NOPCHAP1: variants seen among roughly 807,000 people sequenced by gnomAD.
The protein encoded by NOPCHAP1 is DNA damage-sensitive RNA 1.
In NOPCHAP1, 13 loss-of-function variants were observed where a neutral mutation model predicts 14.0. That is an observed-to-expected ratio of 0.93 (90% confidence interval 0.60 to 1.47). NOPCHAP1 has a LOEUF of 1.47. Ranked by LOEUF, NOPCHAP1 falls within the 40% of genes most tolerant of loss-of-function variation. NOPCHAP1 has a pLI of 0.00. For missense variants in NOPCHAP1, 230 were observed against 226.9 expected (o/e 1.01, Z -0.09); for synonymous variants, 78 against 78.4 (o/e 1.00, Z 0.03).
At chr12:104,986,534 T>G in intron 1 of NOPCHAP1, 67 bp downstream of exon 1, 1 of 1,343,086 alleles carries the variant, frequency 7.4e-7, no homozygotes, top group Admixed American at 2.5e-5. Flanking sequence ...CGGTGCAGTT[T>G]GGGAGCCGGC....
Position 104,998,535 on chromosome 12 carries a change from G to T in NOPCHAP1, c.*3839G>T, listed in dbSNP as rs1191665487. 1 of 152,286 alleles carries T rather than the reference G, an allele frequency of 6.6e-6. No individual in the cohort carries two copies. The highest frequency in any genetic ancestry group is 1.5e-5 in the Non-Finnish European group (1 of 68,100). 9.4% of individuals were successfully genotyped at this position (152,286 alleles called of 1,614,324 possible). On this transcript the variant is annotated 3_prime_UTR_variant, in exon 4 of 4. Transcript: ENST00000552951. ...TGGCTTTGTTCTCTGGCCACTGGAG[G>T]TTAGGTACCTGCTGTGCTAGAGGGG...
rs1367961591 is a variant in NOPCHAP1, at chr12:105,011,441, A to G, written c.*16745A>G. The G allele has an allele frequency of 6.6e-6, 1 of 151,586 alleles. No homozygotes were observed. The highest frequency in any genetic ancestry group is 1.5e-5 in the Non-Finnish European group (1 of 67,732). 9.4% of individuals were successfully genotyped at this position (151,586 alleles called of 1,614,324 possible). ...CTTGACTCTTTATCCAGTTTGACTG[A>G]TGGATCTTGACTCTTTATCCTGTGT... On this transcript the variant is annotated 3_prime_UTR_variant, in exon 4 of 4. Transcript: ENST00000552951.
At chr12:104,986,838 T>C (rs569707555) in intron 1 of NOPCHAP1, among the ~76,000 whole-genome samples, 1 of 152,290 alleles carries the variant, frequency 6.6e-6, no homozygotes, top group Admixed American at 6.5e-5. Flanking sequence ...AGTTGGCTGA[T>C]AGGGGGAAGC....
rs1327746026 is a variant in NOPCHAP1 at position 105,017,043 on chromosome 12, A to G, written c.*22347A>G. 6.6e-6 allele frequency: 1 copy of G among 152,178 alleles called. No homozygotes were observed. The highest frequency in any genetic ancestry group is 1.5e-5 in the Non-Finnish European group (1 of 68,030). The allele number at this position is 152,178 out of a possible 1,614,324, so 9.4% of individuals were successfully genotyped here. On this transcript the variant is annotated 3_prime_UTR_variant, in exon 4 of 4. Transcript: ENST00000552951. The stretch of plus-strand genomic sequence containing the variant: ...TGGCTCTGTGACAGTTACAGATCCG[A>G]AAATTAGGTGTAATGGCTTTTGAAG...
In NOPCHAP1 at chr12:105,006,194, AT is replaced by A. The variant is rs1873706393; in HGVS notation, c.*11500del. On this transcript the variant is annotated 3_prime_UTR_variant, in exon 4 of 4. Coordinates refer to ENST00000552951, the MANE Select transcript of NOPCHAP1 (RefSeq NM_152318.3). ...ACACAGTTTTTTTCAGCACAAATTT[AT>A]TGTTTCAGGCTTGATGGCTTTCACA... 6.6e-6 allele frequency: 1 copy of A among 152,108 alleles called. No homozygotes were observed. The highest frequency in any genetic ancestry group is 1.5e-5 in the Non-Finnish European group (1 of 67,998). 9.4% of individuals were successfully genotyped at this position (152,108 alleles called of 1,614,324 possible).
Position 105,013,095 on chromosome 12 carries a change from C to T in NOPCHAP1, c.*18399C>T, listed in dbSNP as rs1002167467. 1.3e-5 allele frequency: 2 copies of T among 152,514 alleles called. No homozygotes were observed. The highest frequency in any genetic ancestry group is 4.1e-4 in the South Asian group (2 of 4,832). 9.4% of individuals were successfully genotyped at this position (152,514 alleles called of 1,614,324 possible). A position where few individuals can be genotyped will look rare whatever the true frequency, so the allele number is the denominator to read the frequency against. ...AGCTGCGCCCACAGCCACCCGATCC[C>T]CCAGGTGTTCTGTCCCAGGGAGATA... On this transcript the variant is annotated 3_prime_UTR_variant, in exon 4 of 4. Transcript: ENST00000552951.
rs1372311589 is a variant in NOPCHAP1, at chr12:105,006,372, C to T, written c.*11676C>T. 6.6e-6 allele frequency: 1 copy of T among 152,218 alleles called. No individual in the cohort carries two copies. Among genetic ancestry groups the T allele is most frequent in the African/African-American group, 2.4e-5 (1 of 41,462 alleles). The allele number at this position is 152,218 out of a possible 1,614,324, so 9.4% of individuals were successfully genotyped here. On this transcript the variant is annotated 3_prime_UTR_variant, in exon 4 of 4. Coordinates refer to ENST00000552951, the MANE Select transcript of NOPCHAP1 (RefSeq NM_152318.3). Reference sequence around the variant, plus strand: ...TAAAGGTCTTCATGATCCCCTGACCCTAGAGGCTGAATTAGAAGCCTTCTG... The same window carrying T: ...TAAAGGTCTTCATGATCCCCTGACCTTAGAGGCTGAATTAGAAGCCTTCTG...
intron 3 of NOPCHAP1, among the ~76,000 whole-genome samples, chr12:104,992,661 G>A (rs752808280): frequency 1.3e-4 from 20 of 152,214 alleles, no homozygotes; most frequent in African/African-American, 4.6e-4. Flanking sequence ...CGCACAGCAG[G>A]AGGTGAGCGG....
chr12:104,987,427 C>T (rs751723085), intron 1 of NOPCHAP1, among the ~76,000 whole-genome samples: 3 of 152,194 alleles, frequency 2.0e-5, no homozygotes, highest in Non-Finnish European at 4.4e-5. Flanking sequence ...GCTCCAGACT[C>T]TGTGCTCTGA....
rs889326101 is a variant in NOPCHAP1, at chr12:105,006,539, A to G, written c.*11843A>G. On this transcript the variant is annotated 3_prime_UTR_variant, in exon 4 of 4. Transcript: ENST00000552951. Reference sequence around the variant, plus strand: ...TACTTCTTGACCTTAGAGACAAAGCATTGATGGAACCAATCCAGACAAAGG... The same window carrying G: ...TACTTCTTGACCTTAGAGACAAAGCGTTGATGGAACCAATCCAGACAAAGG... The G allele has an allele frequency of 6.6e-6, 1 of 152,254 alleles. No homozygotes were observed. Among genetic ancestry groups the G allele is most frequent in the East Asian group, 1.9e-4 (1 of 5,198 alleles). 9.4% of individuals were successfully genotyped at this position (152,254 alleles called of 1,614,324 possible). A position where few individuals can be genotyped will look rare whatever the true frequency, so the allele number is the denominator to read the frequency against.
intron 3 of NOPCHAP1, among the ~76,000 whole-genome samples, chr12:104,993,086 C>G (rs1446848129): frequency 6.6e-6 from 1 of 152,214 alleles, no homozygotes; most frequent in Non-Finnish European, 1.5e-5. Context: ...GTCACCTGAT[C>G]AGGAGGCCTT....
At position 104,999,677 on chromosome 12, in the gene NOPCHAP1, G is replaced by GC. The variant is rs34930132; in HGVS notation, c.*4984dup. 0.59 allele frequency: 89,291 copies of GC among 152,256 alleles called. 27,000 individuals carry two copies. The highest frequency in any genetic ancestry group is 0.81 in the East Asian group (4,212 of 5,174). The allele number at this position is 152,256 out of a possible 1,614,324, so 9.4% of individuals were successfully genotyped here. On this transcript the variant is annotated 3_prime_UTR_variant, in exon 4 of 4. Coordinates refer to ENST00000552951, the MANE Select transcript of NOPCHAP1 (RefSeq NM_152318.3). ...TGGGCTCTGCACCAGCTAGAATTCT[G>GC]CCCTACCACTTCTCTAAGCAGCTCT...
chr12:105,011,449 T>G lies in NOPCHAP1; in HGVS notation c.*16753T>G, dbSNP rs963011327. ...TTTATCCAGTTTGACTGATGGATCT[T>G]GACTCTTTATCCTGTGTCTTTTAAT... On this transcript the variant is annotated 3_prime_UTR_variant, in exon 4 of 4. Coordinates refer to ENST00000552951, the MANE Select transcript of NOPCHAP1 (RefSeq NM_152318.3). 6.6e-6 allele frequency: 1 copy of G among 152,198 alleles called. No homozygotes were observed. Among genetic ancestry groups the G allele is most frequent in the Non-Finnish European group, 1.5e-5 (1 of 68,030 alleles). 9.4% of individuals were successfully genotyped at this position (152,198 alleles called of 1,614,324 possible). A position where few individuals can be genotyped will look rare whatever the true frequency, so the allele number is the denominator to read the frequency against.
rs1452906591 is a variant in NOPCHAP1, at chr12:105,000,692, G to A, written c.*5996G>A. On this transcript the variant is annotated 3_prime_UTR_variant, in exon 4 of 4. Transcript: ENST00000552951. The stretch of plus-strand genomic sequence containing the variant: ...GGTATGGTCCCTTCCATAGGGGTTT[G>A]AGGGCAGTGTTTCACTGATGTTGTT... The A allele has an allele frequency of 6.6e-6, 1 of 152,034 alleles. No homozygotes were observed. The allele number at this position is 152,034 out of a possible 1,614,324, so 9.4% of individuals were successfully genotyped here.
rs1873717469 is a variant in NOPCHAP1, at chr12:105,006,763, C to G, written c.*12067C>G. On this transcript the variant is annotated 3_prime_UTR_variant, in exon 4 of 4. Transcript: ENST00000552951. ...GCTCACTTCTCTTACTAATTGATGT[C>G]TTTTGTGGCTCTTTTTTTTTTAACT... The G allele has an allele frequency of 6.6e-6, 1 of 151,920 alleles. No individual in the cohort carries two copies. The highest frequency in any genetic ancestry group is 6.6e-5 in the Admixed American group (1 of 15,254). 9.4% of individuals were successfully genotyped at this position (151,920 alleles called of 1,614,324 possible).
Position 104,997,990 on chromosome 12 carries a change from A to G in NOPCHAP1, c.*3294A>G, listed in dbSNP as rs1454992228. On this transcript the variant is annotated 3_prime_UTR_variant, in exon 4 of 4. Coordinates refer to ENST00000552951, the MANE Select transcript of NOPCHAP1 (RefSeq NM_152318.3). Reference sequence around the variant, plus strand: ...CCTCAGTTTGGTCAATTCTGCTGTTAATACTTGTGATTGCATTATGCAATT... The same window carrying G: ...CCTCAGTTTGGTCAATTCTGCTGTTGATACTTGTGATTGCATTATGCAATT... The G allele has an allele frequency of 6.6e-6, 1 of 152,192 alleles. No individual in the cohort carries two copies. The highest frequency in any genetic ancestry group is 1.9e-4 in the East Asian group (1 of 5,190). 9.4% of individuals were successfully genotyped at this position (152,192 alleles called of 1,614,324 possible).
chr12:104,990,570 C>T (rs910666564), intron 2 of NOPCHAP1, among the ~76,000 whole-genome samples: 11 of 152,118 alleles, frequency 7.2e-5, no homozygotes, highest in Non-Finnish European at 1.0e-4. Flanking sequence ...TTCTTCCATA[C>T]GCTGGACATT....
rs1474854728 is a variant in NOPCHAP1, at chr12:105,007,126, A to G, written c.*12430A>G. The G allele has an allele frequency of 6.6e-6, 1 of 150,546 alleles. No individual in the cohort carries two copies. Among genetic ancestry groups the G allele is most frequent in the Non-Finnish European group, 1.5e-5 (1 of 67,774 alleles). The allele number at this position is 150,546 out of a possible 1,614,324, so 9.3% of individuals were successfully genotyped here. A position where few individuals can be genotyped will look rare whatever the true frequency, so the allele number is the denominator to read the frequency against. On this transcript the variant is annotated 3_prime_UTR_variant, in exon 4 of 4. Coordinates refer to ENST00000552951, the MANE Select transcript of NOPCHAP1 (RefSeq NM_152318.3). Reference sequence around the variant, plus strand: ...AGACCCTTCACTTTCCCTTTGCTCTATGTTGTCATTTAATAACTTCCCTGT... The same window carrying G: ...AGACCCTTCACTTTCCCTTTGCTCTGTGTTGTCATTTAATAACTTCCCTGT...
rs1873521417 is a variant in NOPCHAP1 at position 104,997,431 on chromosome 12, G to C, written c.*2735G>C. ...GGTGTGGCACACCAGCATGGCACAT[G>C]TATACATATGTAACTAACCAGCACA... On this transcript the variant is annotated 3_prime_UTR_variant, in exon 4 of 4. Transcript: ENST00000552951. The C allele has an allele frequency of 6.6e-6, 1 of 152,104 alleles. No homozygotes were observed. Among genetic ancestry groups the C allele is most frequent in the African/African-American group, 2.4e-5 (1 of 41,408 alleles). 9.4% of individuals were successfully genotyped at this position (152,104 alleles called of 1,614,324 possible). A position where few individuals can be genotyped will look rare whatever the true frequency, so the allele number is the denominator to read the frequency against.
Sources: allele counts gnomAD v4.1 joint callset (sites outside exome capture counted in the v4.1 genomes callset), GRCh38; gene constraint gnomAD v4.1.1; transcripts MANE v1.5; gene names NCBI Gene and HGNC (gene_info 2026-07-23, HGNC 2026-07-21).